RERE: variants seen among roughly 807,000 people sequenced by gnomAD.
RERE encodes arginine-glutamic acid dipeptide repeats protein.
RERE carries 40 observed loss-of-function variants against 146.1 expected under a neutral mutation model. The ratio of observed to expected loss-of-function variants is 0.27; its 90% CI spans 0.21 to 0.36. RERE has a LOEUF of 0.36. Among genes scored for constraint, RERE ranks in the 10% least tolerant of loss-of-function variants. The probability of loss-of-function intolerance (pLI) is 1.00; values close to 1 mark genes in which losing one functional copy is unlikely to be tolerated. For synonymous variants in RERE, 1,003 were observed against 866.0 expected (o/e 1.16, Z -2.78); for missense variants, 1,933 against 2,138.7 (o/e 0.90, Z 1.90).
chr1:8,783,151 T>C (rs904483036), intron 1 of RERE, among the ~76,000 whole-genome samples: 53 of 151,466 alleles, frequency 3.5e-4, no homozygotes, highest in African/African-American at 1.2e-3. Flanking sequence ...CTGGGCAACA[T>C]AGTGAGACCC....
intron 12 of RERE, among the ~76,000 whole-genome samples, chr1:8,390,612 A>G (rs114894025): frequency 0.023 from 3,551 of 151,876 alleles, 66 homozygotes; most frequent in Middle Eastern, 0.062. Context: ...CTAAGTCCAA[A>G]ATTCTCCCAA....
chr1:8,630,555 G>A (rs1297487910), intron 2 of RERE, among the ~76,000 whole-genome samples: 1 of 152,166 alleles, frequency 6.6e-6, no homozygotes, highest in Non-Finnish European at 1.5e-5. Flanking sequence ...TTTGCTGTGA[G>A]GGGTACTCAT....
intron 11 of RERE, among the ~76,000 whole-genome samples, chr1:8,447,589 C>A (rs897745458): frequency 3.9e-5 from 6 of 152,158 alleles, no homozygotes; most frequent in Admixed American, 2.6e-4. Context: ...TCTGGAGGTC[C>A]ACTTCAGAAC....
chr1:8,729,217 A>ATTTTTT (rs1173630956), intron 1 of RERE, among the ~76,000 whole-genome samples: 9 of 100,418 alleles, frequency 9.0e-5, no homozygotes, highest in South Asian at 4.2e-4. Context: ...AGCTACACCG[A>ATTTTTT]TTTTTTTTTT....
chr1:8,547,653 GAAATA>G (rs1645880736), intron 6 of RERE, among the ~76,000 whole-genome samples: 1 of 152,140 alleles, frequency 6.6e-6, no homozygotes, highest in South Asian at 2.1e-4. Context: ...CATTGTTAGT[GAAATA>G]AAATAAAAAC....
intron 10 of RERE, 57 bp downstream of exon 10, chr1:8,495,006 G>C (rs892112228): frequency 1.6e-6 from 2 of 1,239,314 alleles, no homozygotes; most frequent in African/African-American, 1.5e-5. Context: ...ATTCCCTACA[G>C]CCAGTTCAGG....
intron 10 of RERE, among the ~76,000 whole-genome samples, chr1:8,472,105 C>A (rs1285333721): frequency 6.6e-6 from 1 of 152,184 alleles, no homozygotes; most frequent in Non-Finnish European, 1.5e-5. Flanking sequence ...AGTCACTGCA[C>A]CCAGCCAAAG....
intron 1 of RERE, among the ~76,000 whole-genome samples, chr1:8,804,006 G>T (rs779017302): frequency 6.6e-6 from 1 of 152,126 alleles, no homozygotes; most frequent in Non-Finnish European, 1.5e-5. Context: ...GATTTCCTAA[G>T]AAATATTAAT....
chr1:8,361,203 G>C lies in RERE; in HGVS notation c.2304C>G (p.Pro768=), dbSNP rs749874309. The change falls in exon 18 of 23, where the codon CCC becomes CCG. Residue 768 remains proline (P), a synonymous_variant. Transcript: ENST00000400908. ...CCTGTGGGGGAACTGCAGTGGCAGA[G>C]GGCGTGGGCCCTGGCGTGGGCAGCT... ...TPQLPTPGPT[P]SATAVPPQGS... is the part of the protein sequence containing the mutation. The C allele has an allele frequency of 1.9e-5, 28 of 1,498,118 alleles. No homozygotes were observed. In the Admixed American group the frequency reaches 2.8e-4, roughly 15 times the overall value. The allele number at this position is 1,498,118 out of a possible 1,614,324, so 92.8% of individuals were successfully genotyped here.
At chr1:8,443,138 AAC>A (rs1237205264) in intron 11 of RERE, among the ~76,000 whole-genome samples, 1 of 152,208 alleles carries the variant, frequency 6.6e-6, no homozygotes, top group African/African-American at 2.4e-5. Context: ...AGAAGTTTGG[AAC>A]ATTTGCACCC....
intron 7 of RERE, among the ~76,000 whole-genome samples, chr1:8,539,848 C>G (rs1012455125): frequency 6.6e-6 from 1 of 152,084 alleles, no homozygotes; most frequent in African/African-American, 2.4e-5. Flanking sequence ...GGGAGACAGA[C>G]AGACAGATAC....
chr1:8,512,177 G>A (rs1039885121), intron 7 of RERE, among the ~76,000 whole-genome samples: 3 of 149,278 alleles, frequency 2.0e-5, no homozygotes, highest in Non-Finnish European at 3.0e-5. Context: ...GGGACTACAG[G>A]CGCCCGCCAC....
Position 8,358,920 on chromosome 1 carries a change from C to A in RERE, c.3619-4G>T, listed in dbSNP as rs755882497. On this transcript the variant is annotated splice_polypyrimidine_tract_variant and splice_region_variant and intron_variant, in intron 19 of 22. Coordinates refer to ENST00000400908, the MANE Select transcript of RERE (RefSeq NM_001042681.2). ...CATGCGCTGAGCTGGACGCCTTCTG[C>A]AGAAGGAAAAGAAAGCGTGAGGGGT... 54 of 1,515,508 alleles carry A rather than the reference C, an allele frequency of 3.6e-5. No homozygotes were observed. The highest frequency in any genetic ancestry group is 4.4e-5 in the Non-Finnish European group (50 of 1,135,440). 93.9% of individuals were successfully genotyped at this position (1,515,508 alleles called of 1,614,324 possible). A position where few individuals can be genotyped will look rare whatever the true frequency, so the allele number is the denominator to read the frequency against.
At chr1:8,554,070 G>A (rs1245008719) in intron 6 of RERE, among the ~76,000 whole-genome samples, 5 of 151,958 alleles carry the variant, frequency 3.3e-5, no homozygotes, top group East Asian at 3.9e-4. Flanking sequence ...CCAGCTACTC[G>A]GGAGACTGAG....
At chr1:8,589,017 G>C (rs903629236) in intron 4 of RERE, among the ~76,000 whole-genome samples, 2 of 151,988 alleles carry the variant, frequency 1.3e-5, no homozygotes, top group Non-Finnish European at 2.9e-5. Flanking sequence ...CCAGCTACTT[G>C]GGAGGATGAG....
At chr1:8,699,720 T>G (rs562157547) in intron 1 of RERE, among the ~76,000 whole-genome samples, 1 of 152,336 alleles carries the variant, frequency 6.6e-6, no homozygotes, top group East Asian at 1.9e-4. Flanking sequence ...CTATATAAGT[T>G]ACAATGAAAT....
At chr1:8,546,264 G>C (rs1465483952) in intron 6 of RERE, among the ~76,000 whole-genome samples, 1 of 149,708 alleles carries the variant, frequency 6.7e-6, no homozygotes, top group Admixed American at 6.7e-5. Flanking sequence ...TACAGGTGTG[G>C]GCCACCATGC....
At chr1:8,601,928 C>G (rs1451574601) in intron 4 of RERE, among the ~76,000 whole-genome samples, 1 of 148,960 alleles carries the variant, frequency 6.7e-6, no homozygotes, top group African/African-American at 2.4e-5. Flanking sequence ...AATCAGGCAT[C>G]GAAGAGAAAC....
chr1:8,542,092 A>G (rs1041568164), intron 6 of RERE, among the ~76,000 whole-genome samples: 5 of 152,196 alleles, frequency 3.3e-5, no homozygotes, highest in Non-Finnish European at 7.3e-5. Context: ...CGTAAATGCC[A>G]GAAGCATTAT....
Sources: gnomAD v4.1 joint callset for allele counts (sites outside exome capture counted in the v4.1 genomes callset) on GRCh38, gnomAD v4.1.1 for gene constraint, MANE v1.5 for transcripts, NCBI Gene and HGNC (gene_info 2026-07-23, HGNC 2026-07-21) for gene names.